The following FAM83H variants were observed in gnomAD, a reference collection of about 807,000 sequenced individuals.
FAM83H encodes the protein scaffolding CK1 anchoring protein H, also known as protein FAM83H.
A neutral mutation model predicts 30.2 loss-of-function variants in FAM83H; 24 were observed. The observed-to-expected ratio is 0.79, with a 90% confidence interval of 0.57 to 1.12. FAM83H has a LOEUF of 1.12. Ranked by LOEUF, FAM83H falls within the 50% of genes most tolerant of loss-of-function variation. The probability of loss-of-function intolerance (pLI) is 0.00; values close to 1 mark genes in which losing one functional copy is unlikely to be tolerated. For missense variants in FAM83H, 2,038 were observed against 1,773.9 expected (o/e 1.15, Z -2.67); for synonymous variants, 1,013 against 821.7 (o/e 1.23, Z -3.98).
rs1818469417 is a variant in FAM83H, at chr8:143,730,326, A to G, written c.257T>C (p.Val86Ala). 6.2e-7 allele frequency: 1 copy of G among 1,613,756 alleles called. No homozygotes were observed. The highest frequency in any genetic ancestry group is 2.2e-5 in the East Asian group (1 of 44,882). Residue 86 changes from valine (V) to alanine (A), a missense_variant, in exon 2 of 5, where the codon GTG becomes GCG. Transcript: ENST00000388913. ...REPPEGSLLD[V>A]DMDGSSGTYW... ...TGTACCCGAGGAGCCATCCATGTCCACGTCGAGAAGGCTGCCTTCAGGTGG... is the reference window on the plus strand; with the variant it reads ...TGTACCCGAGGAGCCATCCATGTCCGCGTCGAGAAGGCTGCCTTCAGGTGG...
In FAM83H at chr8:143,726,485, C is replaced by T. The variant is rs1441000548; in HGVS notation, c.2976G>A (p.Glu992=). ...EDEGGFPVPQ[E]NGQPESPRRL... ...GCCGCGGGCTCTCGGGTTGGCCGTTCTCCTGCGGCACTGGGAAGCCACCCT... is the reference window on the plus strand; with the variant it reads ...GCCGCGGGCTCTCGGGTTGGCCGTTTTCCTGCGGCACTGGGAAGCCACCCT... The change falls in exon 5 of 5, where the codon GAG becomes GAA. Residue 992 remains glutamate (E), a synonymous_variant. Transcript: ENST00000388913. 15 of 1,604,928 alleles carry T rather than the reference C, an allele frequency of 9.3e-6. No individual in the cohort carries two copies. Among genetic ancestry groups the T allele is most frequent in the African/African-American group, 1.3e-5 (1 of 74,906 alleles).
Position 143,733,497 on chromosome 8 carries a change from G to A in FAM83H, c.-16+194C>T, listed in dbSNP as rs1303294398. On this transcript the variant is annotated intron_variant, in intron 1 of 4. Coordinates refer to ENST00000388913, the MANE Select transcript of FAM83H (RefSeq NM_198488.5). This position sits in a 1 kb window ranked among gnomAD's most constrained non-coding sequence, Gnocchi z 5.6. The stretch of plus-strand genomic sequence containing the variant: ...GCGCTCGCGTCCATATCCGCACAGC[G>A]GCGCCCCCTGTCCGAGCAGCCCCGC... Among the ~76,000 whole-genome samples, 1 of 151,944 alleles carries A rather than the reference G, an allele frequency of 6.6e-6. No homozygotes were observed. Among genetic ancestry groups the A allele is most frequent in the African/African-American group, 2.4e-5 (1 of 41,418 alleles).
At chr8:143,728,752 C>A (rs782755763) in intron 4 of FAM83H, 29 bp from the exon 5 acceptor site, 1 of 1,598,488 alleles carries the variant, frequency 6.3e-7, no homozygotes, top group East Asian at 2.2e-5. Context: ...CAGAGTCAAA[C>A]CGAGCTGGAG....
chr8:143,726,412 G>C lies in FAM83H; in HGVS notation c.3049C>G (p.Arg1017Gly), dbSNP rs782421765. The change falls in exon 5 of 5, where the codon CGG becomes GGG. Residue 1017 changes from arginine to glycine, a missense_variant. By Grantham distance (125) the Arg-to-Gly change is moderately radical. Transcript: ENST00000388913. ...GAGGACAGGCGCGCCCGCGGACCCC[G>C]CTCTTCTGTGGCAGCCTCCGTGCTG... ...GDSTEAATEE[R>G]GPRARLSSAT... The C allele has an allele frequency of 4.4e-6, 7 of 1,604,418 alleles. No homozygotes were observed. The South Asian group carries it at 4.4e-5, about 10-fold the overall frequency.
In FAM83H at chr8:143,727,376, G is replaced by T. The variant is rs1554622535; in HGVS notation, c.2085C>A (p.Gly695=). The part of the protein sequence containing the change: ...SLIFSTSQAE[G]AAGAAAATEK... ...CAGTGGCCGCCGCAGCCCCGGCCGC[G>T]CCCTCGGCCTGTGACGTGCTGAAGA... Residue 695 remains glycine, a synonymous_variant, in exon 5 of 5, where the codon GGC becomes GGA. Transcript: ENST00000388913. The T allele has an allele frequency of 6.4e-7, 1 of 1,571,226 alleles. No individual in the cohort carries two copies. The highest frequency in any genetic ancestry group is 1.1e-5 in the South Asian group (1 of 87,612).
chr8:143,727,014 G>A lies in FAM83H; in HGVS notation c.2447C>T (p.Ala816Val), dbSNP rs1554622242. 1.2e-5 allele frequency: 19 copies of A among 1,574,008 alleles called. No homozygotes were observed. Among genetic ancestry groups the A allele is most frequent in the South Asian group, 3.4e-5 (3 of 87,814 alleles). The stretch of plus-strand genomic sequence containing the variant: ...GCCCAGTGTGTCGAGCAGCTGCGCC[G>A]CGGTGAGCGACGCGGCTCCCGGCTG... ...ERQPGAASLT[A>V]AQLLDTLGRS... Residue 816 changes from alanine to valine, a missense_variant, in exon 5 of 5, where the codon GCG becomes GTG. Transcript: ENST00000388913.
At chr8:143,728,746 G>A (rs782135806) in intron 4 of FAM83H, 23 bp from the exon 5 acceptor site, 126 of 1,598,436 alleles carry the variant, frequency 7.9e-5, no homozygotes, top group Non-Finnish European at 1.1e-4. Context: ...CAGGGCCAGA[G>A]TCAAACCGAG....
intron 1 of FAM83H, chr8:143,732,647 G>A: frequency 7.1e-6 from 7 of 985,372 alleles, no homozygotes; most frequent in Non-Finnish European, 3.6e-6. Context: ...GTCCTCACAG[G>A]GTGATGCCCA....
intron 1 of FAM83H, chr8:143,731,372 C>T (rs991594070): frequency 1.6e-5 from 16 of 985,220 alleles, no homozygotes; most frequent in Non-Finnish European, 1.8e-5. Context: ...CATGACACCA[C>T]GCCTAGCCCA....
chr8:143,732,291 G>T (rs1818549937), intron 1 of FAM83H: 13 of 985,432 alleles, frequency 1.3e-5, no homozygotes, highest in Non-Finnish European at 1.6e-5. Context: ...CCGTCCTCAT[G>T]GTTGACATAT....
At chr8:143,730,746 G>T in intron 1 of FAM83H, 149 bp from the exon 2 acceptor site, 1 of 631,340 alleles carries the variant, frequency 1.6e-6, no homozygotes, top group Non-Finnish European at 2.6e-6. Context: ...GGCACCAGCC[G>T]AACCAGGCTC....
In FAM83H at chr8:143,728,411, G is replaced by C. The variant is rs1310006292; in HGVS notation, c.1050C>G (p.Phe350Leu). ...GCTCCTCCCGGCGGAAGGCCGACAG[G>C]AAGTGGCGGTCCGGGTCGAGGAAGG... is the stretch of plus-strand genomic sequence containing the variant. Reference protein sequence around the residue: ...FPSFLDPDRHFLSAFRREEPP... With the variant: ...FPSFLDPDRHLLSAFRREEPP... Residue 350 changes from phenylalanine to leucine, a missense_variant, in exon 5 of 5, where the codon TTC (phenylalanine) becomes TTG (leucine). Phe to Leu is a conservative substitution (Grantham distance 22, BLOSUM62 0). Coordinates refer to ENST00000388913, the MANE Select transcript of FAM83H (RefSeq NM_198488.5). 6.5e-7 allele frequency: 1 copy of C among 1,548,028 alleles called. No homozygotes were observed. The highest frequency in any genetic ancestry group is 8.7e-7 in the Non-Finnish European group (1 of 1,145,514).
chr8:143,726,087 C>T lies in FAM83H; in HGVS notation c.3374G>A (p.Ser1125Asn). 2 of 1,611,778 alleles carry T rather than the reference C, an allele frequency of 1.2e-6. No homozygotes were observed. The highest frequency in any genetic ancestry group is 1.7e-6 in the Non-Finnish European group (2 of 1,179,566). ...GTACACGCGCTTCTCCTTGCGCATG[C>T]TCTCCATGCGGCGCAGCAGCCGATC... ...ERDRLLRRME[S>N]MRKEKRVYSR... The change falls in exon 5 of 5, where the codon AGC (serine) becomes AAC (asparagine). Residue 1125 changes from serine (S) to asparagine (N), a missense_variant. Transcript: ENST00000388913.
Position 143,728,167 on chromosome 8 carries a change from G to A in FAM83H, c.1294C>T (p.Gln432Ter). 1 of 1,607,656 alleles carries A rather than the reference G, an allele frequency of 6.2e-7. No individual in the cohort carries two copies. The highest frequency in any genetic ancestry group is 8.5e-7 in the Non-Finnish European group (1 of 1,179,012). Residue 432 changes from glutamine (Q) to a stop codon, truncating the protein, a stop_gained, in exon 5 of 5, where the codon CAG becomes TAG. Coordinates refer to ENST00000388913, the MANE Select transcript of FAM83H (RefSeq NM_198488.5). LOFTEE classifies it low-confidence loss of function (END_TRUNC). The stretch of plus-strand genomic sequence containing the variant: ...TCGTCGCCGTGGCTGAGGAACGTCT[G>A]CCGCGACACCTGCCGCGCGGCCGCG... ...NFAAARQVSR[Q>*]TFLSHGDDFR...
At position 143,729,200 on chromosome 8, in the gene FAM83H, C is replaced by G; in HGVS notation, c.571G>C (p.Asp191His). 6.2e-7 allele frequency: 1 copy of G among 1,613,736 alleles called. No individual in the cohort carries two copies. Among genetic ancestry groups the G allele is most frequent in the Non-Finnish European group, 8.5e-7 (1 of 1,180,034 alleles). Reference sequence around the variant, plus strand: ...TTGACACGGCACTTGTCGGCCATGTCCAGGAAGTGCTGCGCGTTCATCTCA... The same window carrying G: ...TTGACACGGCACTTGTCGGCCATGTGCAGGAAGTGCTGCGCGTTCATCTCA... ...LDEMNAQHFL[D>H]MADKCRVNLQ... The change falls in exon 3 of 5, where the codon GAC (aspartate) becomes CAC (histidine). Residue 191 changes from aspartate (D) to histidine (H), a missense_variant. Physicochemically the swap from Asp to His is moderately conservative, Grantham distance 81. Coordinates refer to ENST00000388913, the MANE Select transcript of FAM83H (RefSeq NM_198488.5).
Position 143,726,032 on chromosome 8 carries a change from C to G in FAM83H, c.3429G>C (p.Glu1143Asp). 1 of 1,612,780 alleles carries G rather than the reference C, an allele frequency of 6.2e-7. No homozygotes were observed. Among genetic ancestry groups the G allele is most frequent in the Non-Finnish European group, 8.5e-7 (1 of 1,179,862 alleles). The change falls in exon 5 of 5, where the codon GAG (glutamate) becomes GAC (aspartate). Residue 1143 changes from glutamate (E) to aspartate (D), a missense_variant. Physicochemically the swap from Glu to Asp is conservative, Grantham distance 45 (BLOSUM62 2). Transcript: ENST00000388913. ...CCCCTGCCCCAGGGCTGCTGGCCTCCTCTTTCTTGCAGAAGACCTCGAAGC... is the reference window on the plus strand; with the variant it reads ...CCCCTGCCCCAGGGCTGCTGGCCTCGTCTTTCTTGCAGAAGACCTCGAAGC... ...YSRFEVFCKKEEASSPGAGEG... is the reference protein window; with the variant it reads ...YSRFEVFCKKDEASSPGAGEG...
rs782403814 is a variant in FAM83H, at chr8:143,730,282, C to T, written c.301G>A (p.Asp101Asn). 6.2e-7 allele frequency: 1 copy of T among 1,613,544 alleles called. No individual in the cohort carries two copies. The highest frequency in any genetic ancestry group is 2.2e-5 in the East Asian group (1 of 44,882). ...AAATCAAGCTCAGGCACGGCCTGGT[C>T]TGAGTTCACTGGCCAGTATGTACCC... ...SSGTYWPVNS[D>N]QAVPELDLGW... Residue 101 changes from aspartate (D) to asparagine (N), a missense_variant, in exon 2 of 5, where the codon GAC becomes AAC. Coordinates refer to ENST00000388913, the MANE Select transcript of FAM83H (RefSeq NM_198488.5).
chr8:143,727,375 C>A lies in FAM83H; in HGVS notation c.2086G>T (p.Ala696Ser), dbSNP rs782703486. Reference protein sequence around the residue: ...LIFSTSQAEGAAGAAAATEKV... With the variant: ...LIFSTSQAEGSAGAAAATEKV... ...TCAGTGGCCGCCGCAGCCCCGGCCGCGCCCTCGGCCTGTGACGTGCTGAAG... is the reference window on the plus strand; with the variant it reads ...TCAGTGGCCGCCGCAGCCCCGGCCGAGCCCTCGGCCTGTGACGTGCTGAAG... The change falls in exon 5 of 5, where the codon GCG becomes TCG. Residue 696 changes from alanine to serine, a missense_variant. Physicochemically the swap from Ala to Ser is moderately conservative, Grantham distance 99. Coordinates refer to ENST00000388913, the MANE Select transcript of FAM83H (RefSeq NM_198488.5). 4 of 1,570,906 alleles carry A rather than the reference C, an allele frequency of 2.5e-6. No individual in the cohort carries two copies. The highest frequency in any genetic ancestry group is 3.4e-6 in the Non-Finnish European group (4 of 1,166,786).
intron 2 of FAM83H, 48 bp downstream of exon 2, chr8:143,730,086 CCT>C: frequency 6.9e-7 from 1 of 1,441,602 alleles, no homozygotes; most frequent in Non-Finnish European, 9.2e-7. Context: ...CACCCCCGTG[CCT>C]CTAGCCCAGG....
Sources: allele counts gnomAD v4.1 joint callset (sites outside exome capture counted in the v4.1 genomes callset), GRCh38; gene constraint gnomAD v4.1.1; non-coding constraint Gnocchi (gnomAD v3.1); transcripts MANE v1.5; gene names NCBI Gene and HGNC (gene_info 2026-07-23, HGNC 2026-07-21).